SCLY: variants seen among roughly 807,000 people sequenced by gnomAD.
SCLY encodes selenocysteine lyase.
SCLY carries 38 observed loss-of-function variants against 50.1 expected under a neutral mutation model. That is an observed-to-expected ratio of 0.76 (90% CI 0.59 to 0.99). The LOEUF is 0.99. Ranked by LOEUF, SCLY falls within the 50% of genes least tolerant of loss-of-function variation. The probability of loss-of-function intolerance (pLI) is 0.00; values close to 1 mark genes in which losing one functional copy is unlikely to be tolerated. For missense variants in SCLY, 600 were observed against 620.0 expected (o/e 0.97, Z 0.34); for synonymous variants, 243 against 249.4 (o/e 0.97, Z 0.24).
chr2:238,070,664 A>G (rs375642180), intron 4 of SCLY, among the ~76,000 whole-genome samples: 1 of 151,662 alleles, frequency 6.6e-6, no homozygotes, highest in Admixed American at 6.6e-5. Context: ...AGACAGCAAG[A>G]CTCCATCTCA....
intron 10 of SCLY, chr2:238,094,806 G>T (rs1001208795): frequency 1.7e-5 from 7 of 407,678 alleles, no homozygotes; most frequent in Non-Finnish European, 2.6e-5. Context: ...CACCCCAAAA[G>T]CCGTCAGGGA....
At chr2:238,094,196 A>T in intron 9 of SCLY, 1 of 611,978 alleles carries the variant, frequency 1.6e-6, no homozygotes, top group Admixed American at 2.9e-5. Context: ...CAGAGGTGGT[A>T]TACCTCATGG....
chr2:238,068,506 G>A (rs571147508), intron 3 of SCLY, among the ~76,000 whole-genome samples: 106 of 152,244 alleles, frequency 7.0e-4, no homozygotes, highest in African/African-American at 2.2e-3. Flanking sequence ...CTATGATCAC[G>A]CTGTTGCACT....
intron 8 of SCLY, chr2:238,091,523 A>ATAC: frequency 1.7e-3 from 717 of 425,508 alleles, no homozygotes; most frequent in South Asian, 4.6e-3. Context: ...GTTACAGCAG[A>ATAC]GGTGAAGTGT....
intron 5 of SCLY, 102 bp from the exon 6 acceptor site, chr2:238,081,941 GTT>G: frequency 1.3e-6 from 2 of 1,575,138 alleles, no homozygotes; most frequent in Non-Finnish European, 1.7e-6. Context: ...CCGTTTCTCT[GTT>G]CACTTTGATA....
chr2:238,065,437 C>T (rs2249668), intron 2 of SCLY, among the ~76,000 whole-genome samples: 109,065 of 151,962 alleles, frequency 0.72, 40,232 homozygotes, highest in East Asian at 0.93. Flanking sequence ...GTCTGGGAAT[C>T]GCTCTCAGGG....
chr2:238,084,169 G>A (rs952761467), intron 7 of SCLY, among the ~76,000 whole-genome samples: 6 of 152,206 alleles, frequency 3.9e-5, no homozygotes, highest in African/African-American at 9.7e-5. Context: ...TGTCAAGAAG[G>A]CCAGGTAGAG....
In SCLY at chr2:238,098,398, G is replaced by T; in HGVS notation, c.*43G>T. On this transcript the variant is annotated 3_prime_UTR_variant, in exon 12 of 12. Transcript: ENST00000254663. ...CCACCCCGCTTCTGGGAAGCCCGTG[G>T]CAGGGCACAGGGTTGTCCCTCCAGT... 6.5e-7 allele frequency: 1 copy of T among 1,543,524 alleles called. No homozygotes were observed. Among genetic ancestry groups the T allele is most frequent in the Non-Finnish European group, 8.7e-7 (1 of 1,148,564 alleles).
rs112835416 is a variant in SCLY at position 238,070,647 on chromosome 2, G to A, written c.484+1170G>A. Among the ~76,000 whole-genome samples the A allele has an allele frequency of 4.5e-4, 68 of 152,118 alleles. 2 individuals carry two copies. In the Middle Eastern group the frequency reaches 0.044, roughly 99 times the overall value. ...GTGAGCCAAGATCCATTGTACTCCA[G>A]CCTGGGAGACAGCAAGACTCCATCT... On this transcript the variant is annotated intron_variant, in intron 4 of 11. Transcript: ENST00000254663.
At chr2:238,086,076 C>T (rs1313990631) in intron 7 of SCLY, among the ~76,000 whole-genome samples, 1 of 152,152 alleles carries the variant, frequency 6.6e-6, no homozygotes, top group Non-Finnish European at 1.5e-5. Context: ...CATCAGAAAC[C>T]AGAAAGACCA....
rs1553568619 is a variant in SCLY, at chr2:238,098,621, G to GAACGCCCACATAGGACCGCCCACATAGA, written c.*267_*268insACGCCCACATAGGACCGCCCACATAGAA. On this transcript the variant is annotated 3_prime_UTR_variant, in exon 12 of 12. Coordinates refer to ENST00000254663, the MANE Select transcript of SCLY (RefSeq NM_016510.7). ...CGCCCACATAGGACCGCCCACATGG[G>GAACGCCCACATAGGACCGCCCACATAGA]ACCGCCCACATGGGACCGCCCACAT... 5 of 308,698 alleles carry GAACGCCCACATAGGACCGCCCACATAGA rather than the reference G, an allele frequency of 1.6e-5. No individual in the cohort carries two copies. Among genetic ancestry groups the GAACGCCCACATAGGACCGCCCACATAGA allele is most frequent in the South Asian group, 7.1e-5 (1 of 14,162 alleles). The allele number at this position is 308,698 out of a possible 1,614,324, so 19.1% of individuals were successfully genotyped here.
intron 4 of SCLY, among the ~76,000 whole-genome samples, chr2:238,073,062 A>AT (rs1384580993): frequency 6.6e-6 from 1 of 152,098 alleles, no homozygotes; most frequent in Non-Finnish European, 1.5e-5. Context: ...AGGAGTCCAA[A>AT]TTTACTTTTT....
At chr2:238,075,891 C>T (rs1219269695) in intron 4 of SCLY, among the ~76,000 whole-genome samples, 9 of 152,054 alleles carry the variant, frequency 5.9e-5, no homozygotes, top group Admixed American at 1.3e-4. Flanking sequence ...CCATTTATGC[C>T]GGAGGTTGCA....
At chr2:238,065,730 A>G (rs374562819) in intron 2 of SCLY, among the ~76,000 whole-genome samples, 2 of 150,584 alleles carry the variant, frequency 1.3e-5, no homozygotes, top group South Asian at 4.2e-4. Flanking sequence ...GCTGGAGTGC[A>G]GTGGTGCAAT....
chr2:238,082,255 G>T (rs190876087), intron 6 of SCLY, 46 bp downstream of exon 6: 1 of 1,525,140 alleles, frequency 6.6e-7, no homozygotes, highest in African/African-American at 1.4e-5. Context: ...AGCCTACTGC[G>T]CAGGTGGCTG....
At chr2:238,088,269 C>G (rs1347922757) in intron 7 of SCLY, among the ~76,000 whole-genome samples, 1 of 152,114 alleles carries the variant, frequency 6.6e-6, no homozygotes, top group Non-Finnish European at 1.5e-5. Context: ...CGGGCCCAGC[C>G]TGGCCAACAT....
intron 4 of SCLY, among the ~76,000 whole-genome samples, chr2:238,076,251 C>T (rs2065172941): frequency 6.6e-6 from 1 of 152,120 alleles, no homozygotes; most frequent in Admixed American, 6.5e-5. Flanking sequence ...ACCACCACAT[C>T]TGGCTAATTT....
intron 4 of SCLY, among the ~76,000 whole-genome samples, chr2:238,076,199 C>A (rs943023649): frequency 4.6e-5 from 7 of 151,630 alleles, no homozygotes; most frequent in African/African-American, 1.5e-4. Flanking sequence ...TTTAGCAGTT[C>A]TTGTGCCTCA....
chr2:238,098,253 C>T lies in SCLY; in HGVS notation c.1236C>T (p.Asn412=), dbSNP rs756999116. ...SYGVPFDVAR[N]ALRLSVGRST... ...GTGTCCCCTTCGACGTGGCCAGGAA[C>T]GCGCTCCGGCTCAGCGTGGGCCGCA... is the stretch of plus-strand genomic sequence containing the variant. The change falls in exon 12 of 12, where the codon AAC becomes AAT. Residue 412 remains asparagine (N), a synonymous_variant. Transcript: ENST00000254663. The T allele has an allele frequency of 5.2e-5, 83 of 1,610,458 alleles. No individual in the cohort carries two copies. The highest frequency in any genetic ancestry group is 2.2e-4 in the East Asian group (10 of 44,832).
Sources: gnomAD v4.1 joint callset for allele counts (sites outside exome capture counted in the v4.1 genomes callset) on GRCh38, gnomAD v4.1.1 for gene constraint, MANE v1.5 for transcripts, NCBI Gene and HGNC (gene_info 2026-07-23, HGNC 2026-07-21) for gene names.